NWD1: variants seen among roughly 807,000 people sequenced by gnomAD.
NWD1 encodes NACHT domain- and WD repeat-containing protein 1.
In NWD1, 129 loss-of-function variants were observed where a neutral mutation model predicts 135.1. That is an observed-to-expected ratio of 0.96 (90% CI 0.83 to 1.11). The LOEUF (loss-of-function observed/expected upper bound fraction) is 1.11, where lower values mean the gene tolerates loss of function less well. Among genes scored for constraint, NWD1 ranks in the 50% least tolerant of loss-of-function variants. The probability of loss-of-function intolerance (pLI) is 0.00; values close to 1 mark genes in which losing one functional copy is unlikely to be tolerated. For missense variants in NWD1, 1,740 were observed against 1,851.3 expected (o/e 0.94, Z 1.10); for synonymous variants, 773 against 786.0 (o/e 0.98, Z 0.28).
intron 10 of NWD1, among the ~76,000 whole-genome samples, chr19:16,767,907 A>G (rs1969283316): frequency 6.8e-6 from 1 of 146,608 alleles, no homozygotes; most frequent in African/African-American, 2.5e-5. Flanking sequence ...TTTGTCCTTT[A>G]TTCTCTGACT....
At chr19:16,757,030 C>G (rs1212723666) in intron 6 of NWD1, among the ~76,000 whole-genome samples, 1 of 152,102 alleles carries the variant, frequency 6.6e-6, no homozygotes, top group Non-Finnish European at 1.5e-5. Flanking sequence ...TTCAGGAAAA[C>G]AAGCTCAGGG....
At chr19:16,769,910 G>A (rs768483329) in intron 10 of NWD1, among the ~76,000 whole-genome samples, 55 of 152,046 alleles carry the variant, frequency 3.6e-4, no homozygotes, top group Non-Finnish European at 5.7e-4. Context: ...TGATCATAGC[G>A]CACAGCACCT....
chr19:16,794,474 A>T lies in NWD1; in HGVS notation c.3225A>T (p.Lys1075Asn), dbSNP rs1347432789. 8 of 1,610,488 alleles carry T rather than the reference A, an allele frequency of 5.0e-6. No homozygotes were observed. Among genetic ancestry groups the T allele is most frequent in the Non-Finnish European group, 6.8e-6 (8 of 1,177,604 alleles). ...CTGGTTCTGCACAGGTTTCCTCCAA[A>T]GGGGACAGATTGCTGGAGAAGCTTC... is the stretch of plus-strand genomic sequence containing the variant. ...SNGSISLVSSKGDRLLEKLPD... is the reference protein window; with the variant it reads ...SNGSISLVSSNGDRLLEKLPD... The change falls in exon 15 of 19, where the codon AAA (lysine) becomes AAT (asparagine). Residue 1075 changes from lysine to asparagine, a missense_variant. Physicochemically the swap from Lys to Asn is moderately conservative, Grantham distance 94 (BLOSUM62 0). Transcript: ENST00000524140.
At chr19:16,782,045 G>T (rs1179367004) in intron 12 of NWD1, among the ~76,000 whole-genome samples, 1 of 144,884 alleles carries the variant, frequency 6.9e-6, no homozygotes, top group Non-Finnish European at 1.5e-5. Flanking sequence ...AGTGAGCCGA[G>T]ATTGCACCAC....
intron 8 of NWD1, among the ~76,000 whole-genome samples, chr19:16,763,501 C>G (rs970976751): frequency 1.3e-5 from 2 of 152,188 alleles, no homozygotes; most frequent in Non-Finnish European, 2.9e-5. Flanking sequence ...ATGCTGTTCC[C>G]TTGCCCTGGA....
chr19:16,730,546 T>G (rs1002040445), intron 2 of NWD1, among the ~76,000 whole-genome samples: 6 of 151,692 alleles, frequency 4.0e-5, no homozygotes, highest in African/African-American at 1.5e-4. Context: ...AGACTCCTTC[T>G]CTACAAAAAA....
rs1968913784 is a variant in NWD1 at position 16,759,218 on chromosome 19, C to T, written c.1770-7C>T. 1 of 1,612,274 alleles carries T rather than the reference C, an allele frequency of 6.2e-7. No homozygotes were observed. The highest frequency in any genetic ancestry group is 1.3e-5 in the African/African-American group (1 of 74,974). ...GTGCCTCAAAGCCCCACTGGTCCTC[C>T]CTTCAGACACGGTCTCTCGGAGGCG... is the stretch of plus-strand genomic sequence containing the variant. On this transcript the variant is annotated splice_region_variant and splice_polypyrimidine_tract_variant and intron_variant, in intron 6 of 18. Coordinates refer to ENST00000524140, the MANE Select transcript of NWD1 (RefSeq NM_001007525.5).
chr19:16,803,573 GA>G (rs1970664803), intron 17 of NWD1, among the ~76,000 whole-genome samples: 1 of 152,082 alleles, frequency 6.6e-6, no homozygotes, highest in South Asian at 2.1e-4. Context: ...TTGTCAGGGG[GA>G]CACAAATCTT....
chr19:16,792,876 CA>C (rs1189102088), intron 14 of NWD1, among the ~76,000 whole-genome samples: 4,681 of 51,878 alleles, frequency 0.09, 97 homozygotes, highest in African/African-American at 0.14. Flanking sequence ...AACTCCATCT[CA>C]AAAAAAAAAA....
Position 16,737,176 on chromosome 19 carries a change from C to T in NWD1, c.198+426C>T, listed in dbSNP as rs74671932. Among the ~76,000 whole-genome samples the T allele has an allele frequency of 8.4e-4, 128 of 152,272 alleles. 4 individuals are homozygous for T. The East Asian group carries it at 0.022, about 26-fold the overall frequency. ...GGTCGTGGGGACTTCTCCCCTCTCT[C>T]TTCCAATTGCACCCCTTCTATCAAA... On this transcript the variant is annotated intron_variant, in intron 4 of 18. Coordinates refer to ENST00000524140, the MANE Select transcript of NWD1 (RefSeq NM_001007525.5).
At chr19:16,730,347 A>AAAC (rs1178993998) in intron 2 of NWD1, among the ~76,000 whole-genome samples, 72 of 151,776 alleles carry the variant, frequency 4.7e-4, no homozygotes, top group African/African-American at 1.7e-3. Context: ...AAAAAACAAA[A>AAAC]AAAAAACCCA....
Position 16,744,602 on chromosome 19 carries a change from G to A in NWD1, c.380G>A (p.Gly127Glu), listed in dbSNP as rs1968225903. ...TACGTCCTGCAGGCACCAGGTACTGGGGAGGCCTGTGAACCAGAGGAGGCC... is the reference window on the plus strand; with the variant it reads ...TACGTCCTGCAGGCACCAGGTACTGAGGAGGCCTGTGAACCAGAGGAGGCC... ...PTYVLQAPGT[G>E]EACEPEEATL... Residue 127 changes from glycine (G) to glutamate (E), a missense_variant, in exon 5 of 19, where the codon GGG (glycine) becomes GAG (glutamate). By Grantham distance (98) the Gly-to-Glu change is moderately conservative (BLOSUM62 -2). Transcript: ENST00000524140. 6.5e-7 allele frequency: 1 copy of A among 1,535,346 alleles called. No individual in the cohort carries two copies. The highest frequency in any genetic ancestry group is 8.7e-7 in the Non-Finnish European group (1 of 1,146,482).
chr19:16,777,580 GGGAGGGGAGGGGAAAGT>G lies in NWD1; in HGVS notation c.2609-1746_2609-1730del, dbSNP rs1362739242. On this transcript the variant is annotated intron_variant, in intron 11 of 18. Coordinates refer to ENST00000524140, the MANE Select transcript of NWD1 (RefSeq NM_001007525.5). Reference sequence around the variant, plus strand: ...GGAGGGGAAGGAGAGGAGGGGATAGGGGAGGGGAGGGGAAAGTGGAGGGGAGGGGAAAGGGGAGGGAA... The same window carrying G: ...GGAGGGGAAGGAGAGGAGGGGATAGGGGAGGGGAGGGGAAAGGGGAGGGAA... Among the ~76,000 whole-genome samples, 20 of 7,202 alleles carry G rather than the reference GGGAGGGGAGGGGAAAGT, an allele frequency of 2.8e-3. 1 individual carries two copies. The highest frequency in any genetic ancestry group is 0.022 in the African/African-American group (19 of 882). 4.7% of individuals were successfully genotyped at this position (7,202 alleles called of 152,430 possible).
chr19:16,807,107 G>C (rs926436965), intron 17 of NWD1, among the ~76,000 whole-genome samples: 53 of 151,024 alleles, frequency 3.5e-4, no homozygotes, highest in African/African-American at 1.2e-3. Flanking sequence ...AGAATCACTT[G>C]AGTCCAAAAG....
Position 16,723,128 on chromosome 19 carries a change from C to T in NWD1, c.-104-1238C>T, listed in dbSNP as rs368529299. ...GGCTCACTGCAGCCTCAACCTCCTG[C>T]GCTCAAGTGATTCTCCCATCTCAGC... On this transcript the variant is annotated intron_variant, in intron 1 of 18. Coordinates refer to ENST00000524140, the MANE Select transcript of NWD1 (RefSeq NM_001007525.5). Among the ~76,000 whole-genome samples, 39 of 152,120 alleles carry T rather than the reference C, an allele frequency of 2.6e-4. No individual in the cohort carries two copies. The South Asian group carries it at 2.9e-3, about 11-fold the overall frequency.
chr19:16,768,929 CCCAGGGCCAGTGCTGCTGTCTCTCCT>C (rs1969320304), intron 10 of NWD1, among the ~76,000 whole-genome samples: 2 of 152,188 alleles, frequency 1.3e-5, no homozygotes, highest in South Asian at 4.1e-4. Context: ...TGGCCATCAG[CCCAGGGCCAGTGCTGCTGTCTCTCCT>C]CCAGACAGCA....
chr19:16,747,829 T>A (rs916174807), intron 5 of NWD1, among the ~76,000 whole-genome samples: 2 of 152,230 alleles, frequency 1.3e-5, no homozygotes, highest in Admixed American at 1.3e-4. Flanking sequence ...CATGGCCTTT[T>A]GTGTCTGGCT....
chr19:16,789,634 T>C (rs982140210), intron 13 of NWD1, among the ~76,000 whole-genome samples: 11 of 152,104 alleles, frequency 7.2e-5, no homozygotes, highest in Non-Finnish European at 1.3e-4. Flanking sequence ...GTATTTTTTT[T>C]CTAATTAAAT....
intron 18 of NWD1, among the ~76,000 whole-genome samples, chr19:16,810,621 G>A (rs1970898096): frequency 6.6e-6 from 1 of 151,832 alleles, no homozygotes; most frequent in Admixed American, 6.6e-5. Context: ...AAATTAGCCA[G>A]GTGTGGAGGT....
Sources: allele counts gnomAD v4.1 joint callset (sites outside exome capture counted in the v4.1 genomes callset), GRCh38; gene constraint gnomAD v4.1.1; transcripts MANE v1.5; gene names NCBI Gene and HGNC (gene_info 2026-07-23, HGNC 2026-07-21).